The following TMC4 variants were observed in gnomAD, a reference collection of about 807,000 sequenced individuals.
TMC4 encodes the protein transmembrane channel like 4, also known as voltage-gated chloride channel TMC4.
TMC4 carries 70 observed loss-of-function variants against 82.0 expected under a neutral mutation model. The ratio of observed to expected loss-of-function variants is 0.85; its 90% CI spans 0.70 to 1.04. The LOEUF (loss-of-function observed/expected upper bound fraction) is 1.04, where lower values mean the gene tolerates loss of function less well. Among genes scored for constraint, TMC4 ranks in the 50% least tolerant of loss-of-function variants. The pLI is 0.00. For missense variants in TMC4, 879 were observed against 899.0 expected, an observed-to-expected ratio of 0.98 and a Z score of 0.28; for synonymous variants, 446 against 406.0, an observed-to-expected ratio of 1.10 and a Z score of -1.18.
intron 5 of TMC4, among the ~76,000 whole-genome samples, chr19:54,167,061 G>A (rs535492963): frequency 6.6e-5 from 10 of 152,078 alleles, no homozygotes; most frequent in East Asian, 3.9e-4. Context: ...GAGTTTGAGC[G>A]CAGCCTGGGC....
chr19:54,162,346 C>T (rs1316642177), intron 10 of TMC4, 61 bp from the exon 11 acceptor site: 30 of 1,291,070 alleles, frequency 2.3e-5, no homozygotes, highest in East Asian at 5.5e-5. Flanking sequence ...GTTTCCACGC[C>T]TCCACCGCCC....
intron 2 of TMC4, among the ~76,000 whole-genome samples, chr19:54,171,202 T>C (rs1012361854): frequency 1.3e-5 from 2 of 152,036 alleles, no homozygotes; most frequent in East Asian, 3.9e-4. Flanking sequence ...TCTATCTCCC[T>C]GGTTCAAGCG....
chr19:54,171,745 A>T, intron 2 of TMC4, 125 bp downstream of exon 2: 1 of 805,066 alleles, frequency 1.2e-6, no homozygotes, highest in Non-Finnish European at 1.9e-6. Flanking sequence ...GGCAGCTCTG[A>T]GCGGGGCAGA....
At chr19:54,170,366 G>A (rs1227299049) in intron 2 of TMC4, among the ~76,000 whole-genome samples, 1 of 151,068 alleles carries the variant, frequency 6.6e-6, no homozygotes, top group Non-Finnish European at 1.5e-5. Flanking sequence ...GGGAGAAGAG[G>A]TTACCTTGTA....
chr19:54,163,562 C>G lies in TMC4; in HGVS notation c.1277+162G>C. ...ACCTCAGCCTCGGCCTCCCAAAGTG[C>G]TGGGATTACAGGTGTGAGCCACTGC... is the stretch of plus-strand genomic sequence containing the variant. On this transcript the variant is annotated intron_variant, in intron 8 of 14. Transcript: ENST00000619895. The G allele has an allele frequency of 5.8e-6, 5 of 855,358 alleles. No individual in the cohort carries two copies. The South Asian group carries it at 6.0e-5, about 10-fold the overall frequency. The allele number at this position is 855,358 out of a possible 1,614,324, so 53.0% of individuals were successfully genotyped here.
Position 54,160,954 on chromosome 19 carries a change from G to T in TMC4, c.1897C>A (p.Leu633Ile). The T allele has an allele frequency of 6.2e-7, 1 of 1,614,218 alleles. No homozygotes were observed. The highest frequency in any genetic ancestry group is 1.6e-4 in the Middle Eastern group (1 of 6,062). The change falls in exon 13 of 15, where the codon CTC (leucine) becomes ATC (isoleucine). Residue 633 changes from leucine to isoleucine, a missense_variant. Transcript: ENST00000619895. ...AGGAAATTCTGGGTGGTCTCAGGGA[G>T]GCTGGAAATAGACTCAGGGATCTGG... ...WAQIPESISSLPETTQNFLFF... is the reference protein window; with the variant it reads ...WAQIPESISSIPETTQNFLFF...
At position 54,162,668 on chromosome 19, in the gene TMC4, CTCACTT is replaced by C. The variant is rs1161228914; in HGVS notation, c.1501_1502+4del. The C allele has an allele frequency of 6.2e-7, 1 of 1,612,608 alleles. No individual in the cohort carries two copies. The highest frequency in any genetic ancestry group is 8.5e-7 in the Non-Finnish European group (1 of 1,179,190). ...CGGGGCCACAGCAAGGGGCGGGGCT[CTCACTT>C]TCTAGGAAACTGGATGAGCAGCGCG... On this transcript the variant is annotated splice_donor_variant and splice_donor_region_variant and coding_sequence_variant and intron_variant, in exon 10 of 15. Transcript: ENST00000619895. LOFTEE classifies it high-confidence loss of function.
rs199932087 is a variant in TMC4 at position 54,160,958 on chromosome 19, G to A, written c.1893C>T (p.Ser631=). 22 of 1,614,194 alleles carry A rather than the reference G, an allele frequency of 1.4e-5. No homozygotes were observed. The African/African-American group carries it at 2.7e-4, about 20-fold the overall frequency. ...SIWAQIPESI[S]SLPETTQNFL... ...AATTCTGGGTGGTCTCAGGGAGGCTGGAAATAGACTCAGGGATCTGGGCCC... is the reference window on the plus strand; with the variant it reads ...AATTCTGGGTGGTCTCAGGGAGGCTAGAAATAGACTCAGGGATCTGGGCCC... Residue 631 remains serine (S), a synonymous_variant, in exon 13 of 15, where the codon TCC becomes TCT. Coordinates refer to ENST00000619895, the MANE Select transcript of TMC4 (RefSeq NM_144686.4).
intron 2 of TMC4, among the ~76,000 whole-genome samples, chr19:54,171,062 C>CAT (rs1003312870): frequency 4.0e-5 from 6 of 149,760 alleles, no homozygotes; most frequent in East Asian, 3.9e-4. Context: ...TATATATACA[C>CAT]ATATATATAC....
At chr19:54,167,126 G>A (rs1241377509) in intron 5 of TMC4, among the ~76,000 whole-genome samples, 2 of 152,042 alleles carry the variant, frequency 1.3e-5, no homozygotes, top group African/African-American at 4.8e-5. Context: ...AGCAAGACAT[G>A]GTGGTGCACC....
At position 54,164,455 on chromosome 19, in the gene TMC4, C is replaced by G. The variant is rs1486685428; in HGVS notation, c.1092G>C (p.Thr364=). The G allele has an allele frequency of 6.2e-7, 1 of 1,613,518 alleles. No individual in the cohort carries two copies. Among genetic ancestry groups the G allele is most frequent in the Admixed American group, 1.7e-5 (1 of 59,954 alleles). Residue 364 remains threonine, a synonymous_variant, in exon 7 of 15, where the codon ACG becomes ACC. Coordinates refer to ENST00000619895, the MANE Select transcript of TMC4 (RefSeq NM_144686.4). ...GAAFYGVYWA[T]GCTVELQEMP... ...GCACCTGCAGCTCCACGGTGCACCC[C>G]GTAGCCCAGTAGACGCCATAGAAGG...
At chr19:54,165,100 G>A (rs1270613061) in intron 6 of TMC4, among the ~76,000 whole-genome samples, 2 of 147,020 alleles carry the variant, frequency 1.4e-5, no homozygotes, top group East Asian at 2.0e-4. Context: ...TAGAGAGGGA[G>A]CCTCCCTATG....
intron 5 of TMC4, among the ~76,000 whole-genome samples, chr19:54,167,651 C>T (rs1198480545): frequency 2.7e-5 from 4 of 149,422 alleles, no homozygotes; most frequent in East Asian, 2.1e-4. Context: ...CTCTGTCGCC[C>T]AGGCTGGAGT....
chr19:54,171,085 A>G (rs1568754757), intron 2 of TMC4, among the ~76,000 whole-genome samples: 1 of 151,524 alleles, frequency 6.6e-6, no homozygotes, highest in African/African-American at 2.4e-5. Context: ...ATATATGTGT[A>G]TATATATACA....
chr19:54,164,298 G>A, intron 7 of TMC4, 136 bp downstream of exon 7: 1 of 1,175,956 alleles, frequency 8.5e-7, no homozygotes, highest in Non-Finnish European at 1.2e-6. Context: ...AAATCCCTAA[G>A]TCCAGGGTCC....
intron 3 of TMC4, 101 bp downstream of exon 3, chr19:54,169,411 C>T (rs2075827741): frequency 6.9e-7 from 1 of 1,459,432 alleles, no homozygotes; most frequent in South Asian, 1.4e-5. Context: ...CAGGCCCAAG[C>T]CCCTCCTCCC....
rs202040870 is a variant in TMC4, at chr19:54,163,934, G to T, written c.1114-47C>A. 3.9e-4 allele frequency: 631 copies of T among 1,598,178 alleles called. 1 individual carries two copies. The highest frequency in any genetic ancestry group is 3.3e-3 in the Middle Eastern group (20 of 5,984). On this transcript the variant is annotated intron_variant, in intron 7 of 14. Coordinates refer to ENST00000619895, the MANE Select transcript of TMC4 (RefSeq NM_144686.4). ...AGTAGAGGCTTGGGGTCCTGGAGGA[G>T]CCAAGCTTAAGGTCCTCCCCCCGGC...
chr19:54,163,252 TCA>T (rs2075613074), intron 8 of TMC4, 93 bp from the exon 9 acceptor site: 15 of 1,486,936 alleles, frequency 1.0e-5, no homozygotes, highest in Non-Finnish European at 9.1e-7. Flanking sequence ...TCAACCCATC[TCA>T]CAGATGAAGC....
At position 54,165,583 on chromosome 19, in the gene TMC4, G is replaced by A. The variant is rs2075684524; in HGVS notation, c.798-17C>T. ...GACACCGAGCTGAGAGGGGAGACCC[G>A]GGAGACGGGAAGTGAAAGGACAGCC... On this transcript the variant is annotated splice_polypyrimidine_tract_variant and intron_variant, in intron 5 of 14. Transcript: ENST00000619895. The A allele has an allele frequency of 2.5e-6, 4 of 1,589,408 alleles. No homozygotes were observed. Among genetic ancestry groups the A allele is most frequent in the South Asian group, 1.1e-5 (1 of 90,336 alleles).
Sources: gnomAD v4.1 joint callset for allele counts (sites outside exome capture counted in the v4.1 genomes callset) on GRCh38, gnomAD v4.1.1 for gene constraint, MANE v1.5 for transcripts, NCBI Gene and HGNC (gene_info 2026-07-23, HGNC 2026-07-21) for gene names.